Variants in PPFIA2 observed in about 807,000 individuals in gnomAD.
PPFIA2 encodes the protein PPFI scaffold protein A2.
Under a neutral mutation model 175.5 loss-of-function variants are expected in PPFIA2, and 46 were observed. That is an observed-to-expected ratio of 0.26 (90% CI 0.21 to 0.34). PPFIA2 has a LOEUF of 0.34. Among genes scored for constraint, PPFIA2 ranks in the 10% least tolerant of loss-of-function variants. The pLI, the probability that PPFIA2 is intolerant of heterozygous loss-of-function variation, is 1.00. For synonymous variants in PPFIA2, 568 were observed against 511.4 expected (o/e 1.11, Z -1.49); for missense variants, 1,179 against 1,506.1 (o/e 0.78, Z 3.60).
intron 4 of PPFIA2, among the ~76,000 whole-genome samples, chr12:81,462,961 C>CT (rs1415341371): frequency 6.6e-6 from 1 of 151,884 alleles, no homozygotes; most frequent in East Asian, 1.9e-4. Context: ...CTTATTCATG[C>CT]TTAAAGTGAA....
At chr12:81,703,593 CA>C (rs963416921) in intron 3 of PPFIA2, among the ~76,000 whole-genome samples, 1 of 152,110 alleles carries the variant, frequency 6.6e-6, no homozygotes, top group African/African-American at 2.4e-5. Flanking sequence ...CTTGCTTCAG[CA>C]GACTTCTCTG....
chr12:81,444,026 T>C (rs994678179), intron 6 of PPFIA2, among the ~76,000 whole-genome samples: 1 of 151,144 alleles, frequency 6.6e-6, no homozygotes, highest in African/African-American at 2.4e-5. Flanking sequence ...AGCTAATTTT[T>C]TGTATTTTTA....
intron 4 of PPFIA2, among the ~76,000 whole-genome samples, chr12:81,665,152 G>T (rs1042463819): frequency 2.6e-5 from 4 of 152,000 alleles, no homozygotes; most frequent in African/African-American, 9.7e-5. Context: ...AAACCTGCAC[G>T]TTGTGCACAT....
chr12:81,584,876 A>ATTAATTATATTTATATATAATAT (rs1248190124), intron 4 of PPFIA2, among the ~76,000 whole-genome samples: 3 of 48,458 alleles, frequency 6.2e-5, no homozygotes, highest in Admixed American at 2.7e-4. Flanking sequence ...TATATTATAT[A>ATTAATTATATTTATATATAATAT]ATTATATATT....
At chr12:81,710,545 C>T (rs1186396084) in intron 3 of PPFIA2, among the ~76,000 whole-genome samples, 1 of 151,882 alleles carries the variant, frequency 6.6e-6, no homozygotes, top group Admixed American at 6.6e-5. Flanking sequence ...TATTTCTTAT[C>T]TGAAATGCTT....
intron 17 of PPFIA2, 122 bp from the exon 18 acceptor site, chr12:81,347,892 T>G (rs2059336121): frequency 7.4e-7 from 1 of 1,355,452 alleles, no homozygotes; most frequent in Admixed American, 3.4e-5. Context: ...ACATTTTACA[T>G]CAAATCTAAT....
At chr12:81,309,154 T>C (rs2050078250) in intron 22 of PPFIA2, among the ~76,000 whole-genome samples, 1 of 152,118 alleles carries the variant, frequency 6.6e-6, no homozygotes, top group African/African-American at 2.4e-5. Context: ...TTCACTAAAA[T>C]TCAGCTTTCA....
rs917031399 is a variant in PPFIA2 at position 81,550,564 on chromosome 12, G to T, written c.304-92698C>A. On this transcript the variant is annotated intron_variant, in intron 4 of 32. Transcript: ENST00000549396. ...ATCTGAAACAGATTTCCTGTTGGGA[G>T]TTTGGTTTCAAGGAACTCAGGTTTC... Among the ~76,000 whole-genome samples the T allele has an allele frequency of 2.0e-5, 3 of 152,058 alleles. No individual in the cohort carries two copies. In the East Asian group the frequency reaches 5.8e-4, roughly 29 times the overall value.
chr12:81,629,395 G>C (rs1336768542), intron 4 of PPFIA2, among the ~76,000 whole-genome samples: 1 of 152,074 alleles, frequency 6.6e-6, no homozygotes, highest in Non-Finnish European at 1.5e-5. Context: ...TTAACAGTTA[G>C]AAACTCTCTT....
intron 8 of PPFIA2, among the ~76,000 whole-genome samples, chr12:81,405,437 A>T (rs746517948): frequency 6.6e-6 from 1 of 151,904 alleles, no homozygotes; most frequent in Non-Finnish European, 1.5e-5. Context: ...ATATATATAC[A>T]TATGCCATAT....
intron 10 of PPFIA2, among the ~76,000 whole-genome samples, chr12:81,375,484 G>A (rs1439227852): frequency 2.0e-5 from 3 of 152,020 alleles, no homozygotes; most frequent in African/African-American, 4.8e-5. Flanking sequence ...CTACAATAAC[G>A]CCACCTACTT....
chr12:81,720,045 TA>T (rs5799551), intron 3 of PPFIA2, among the ~76,000 whole-genome samples: 25,976 of 150,606 alleles, frequency 0.17, 2,375 homozygotes, highest in Middle Eastern at 0.25. Context: ...TTAGTAAATT[TA>T]AAAAAAAATG....
intron 4 of PPFIA2, among the ~76,000 whole-genome samples, chr12:81,644,361 T>G (rs1050231866): frequency 6.6e-6 from 1 of 151,976 alleles, no homozygotes; most frequent in Non-Finnish European, 1.5e-5. Context: ...TATATCCCCT[T>G]AAGTTTGGAT....
chr12:81,368,873 T>C lies in PPFIA2; in HGVS notation c.1351-17A>G, dbSNP rs2034303366. On this transcript the variant is annotated splice_polypyrimidine_tract_variant and intron_variant, in intron 12 of 32. Coordinates refer to ENST00000549396, the MANE Select transcript of PPFIA2 (RefSeq NM_003625.5). Reference sequence around the variant, plus strand: ...TTGCCTAGCCTTACATTTTAAAAAATGACATAAAAATCCATTCAAAAACTG... The same window carrying C: ...TTGCCTAGCCTTACATTTTAAAAAACGACATAAAAATCCATTCAAAAACTG... 6.3e-7 allele frequency: 1 copy of C among 1,595,402 alleles called. No individual in the cohort carries two copies. Among genetic ancestry groups the C allele is most frequent in the Non-Finnish European group, 8.5e-7 (1 of 1,173,470 alleles).
intron 4 of PPFIA2, among the ~76,000 whole-genome samples, chr12:81,608,457 G>C (rs2060558582): frequency 6.6e-6 from 1 of 151,954 alleles, no homozygotes; most frequent in African/African-American, 2.4e-5. Flanking sequence ...TCTTATTACT[G>C]ATTGAACTTC....
chr12:81,555,158 G>T (rs1366387120), intron 4 of PPFIA2, among the ~76,000 whole-genome samples: 8 of 151,868 alleles, frequency 5.3e-5, no homozygotes, highest in Admixed American at 6.6e-5. Flanking sequence ...AAGATTAAAA[G>T]CTCTAAGAAA....
At chr12:81,428,569 T>C (rs766874615) in intron 7 of PPFIA2, among the ~76,000 whole-genome samples, 117 of 151,956 alleles carry the variant, frequency 7.7e-4, no homozygotes, top group Non-Finnish European at 1.3e-3. Flanking sequence ...CAATTTACAG[T>C]TTATTCATTT....
At chr12:81,735,106 G>A (rs2081399702) in intron 3 of PPFIA2, among the ~76,000 whole-genome samples, 1 of 151,766 alleles carries the variant, frequency 6.6e-6, no homozygotes, top group Admixed American at 6.6e-5. Flanking sequence ...GAACATTTGT[G>A]AACAGGATAT....
rs117951711 is a variant in PPFIA2, at chr12:81,344,643, T to C, written c.2262+21A>G. 1.7e-3 allele frequency: 2,519 copies of C among 1,521,466 alleles called. 2 individuals are homozygous for C. The highest frequency in any genetic ancestry group is 2.1e-3 in the Non-Finnish European group (2,311 of 1,118,422). 94.2% of individuals were successfully genotyped at this position (1,521,466 alleles called of 1,614,324 possible). A position where few individuals can be genotyped will look rare whatever the true frequency, so the allele number is the denominator to read the frequency against. On this transcript the variant is annotated intron_variant, in intron 19 of 32. Transcript: ENST00000549396. ...TAAAACAGTATTCAATTCGTAATGA[T>C]GTAAAAGTTATTTACTGTACCTTTC...
Sources: gnomAD v4.1 joint callset for allele counts (sites outside exome capture counted in the v4.1 genomes callset) on GRCh38, gnomAD v4.1.1 for gene constraint, MANE v1.5 for transcripts, NCBI Gene and HGNC (gene_info 2026-07-23, HGNC 2026-07-21) for gene names.